The following CMSS1 variants were observed in gnomAD, a reference collection of about 807,000 sequenced individuals.
The protein encoded by CMSS1 is protein CMSS1.
CMSS1 carries 33 observed loss-of-function variants against 43.5 expected under a neutral mutation model. That is an observed-to-expected ratio of 0.76 (90% CI 0.57 to 1.01). The LOEUF (loss-of-function observed/expected upper bound fraction) is 1.01, where lower values mean the gene tolerates loss of function less well. CMSS1 is among the 50% of genes least tolerant of loss of function. CMSS1 has a pLI of 0.00. For missense variants in CMSS1, 313 were observed against 326.4 expected (o/e 0.96, Z 0.32); for synonymous variants, 115 against 117.2 (o/e 0.98, Z 0.12).
chr3:100,180,625 G>C lies in CMSS1; in HGVS notation c.*2237G>C, dbSNP rs936298820. 3 of 152,472 alleles carry C rather than the reference G, an allele frequency of 2.0e-5. No homozygotes were observed. The highest frequency in any genetic ancestry group is 2.9e-5 in the Non-Finnish European group (2 of 68,266). 9.4% of individuals were successfully genotyped at this position (152,472 alleles called of 1,614,324 possible). On this transcript the variant is annotated 3_prime_UTR_variant, in exon 10 of 10. Coordinates refer to ENST00000421999, the MANE Select transcript of CMSS1 (RefSeq NM_032359.4). ...CTCCATTTGAGACCACCTCAGCCTG[G>C]ACTTCATTGTCCATATCACTATCAG...
chr3:100,023,773 A>G (rs2064868779), intron 1 of CMSS1, among the ~76,000 whole-genome samples: 1 of 151,884 alleles, frequency 6.6e-6, no homozygotes, highest in Non-Finnish European at 1.5e-5. Context: ...ACCTAGAACT[A>G]CTCCTGCTCT....
At chr3:100,037,712 C>G (rs2065131347) in intron 1 of CMSS1, among the ~76,000 whole-genome samples, 1 of 152,168 alleles carries the variant, frequency 6.6e-6, no homozygotes, top group Admixed American at 6.5e-5. Context: ...ATAAGTTTCT[C>G]TATGCATCTT....
chr3:99,871,965 T>G (rs1187145554), intron 1 of CMSS1, among the ~76,000 whole-genome samples: 1 of 152,230 alleles, frequency 6.6e-6, no homozygotes, highest in African/African-American at 2.4e-5. Flanking sequence ...TTGCTTATAC[T>G]TAAGAACTTT....
chr3:100,170,642 AC>A (rs1172314155), intron 6 of CMSS1, among the ~76,000 whole-genome samples: 1 of 152,200 alleles, frequency 6.6e-6, no homozygotes, highest in Non-Finnish European at 1.5e-5. Context: ...TACAACAAAA[AC>A]CCTGGACAGA....
intron 1 of CMSS1, among the ~76,000 whole-genome samples, chr3:100,087,882 G>C (rs1181186656): frequency 6.9e-6 from 1 of 145,012 alleles, no homozygotes; most frequent in African/African-American, 2.6e-5. Flanking sequence ...CCAGGCTGGA[G>C]TGCAGTGGCA....
chr3:100,055,152 C>G (rs1238421765), intron 1 of CMSS1, among the ~76,000 whole-genome samples: 2 of 152,198 alleles, frequency 1.3e-5, no homozygotes, highest in Non-Finnish European at 2.9e-5. Context: ...CAGCTCCTAT[C>G]CCAATTCAGG....
chr3:100,053,309 T>C (rs2065405228), intron 1 of CMSS1, among the ~76,000 whole-genome samples: 1 of 152,196 alleles, frequency 6.6e-6, no homozygotes, highest in African/African-American at 2.4e-5. Context: ...GAAATCAAAG[T>C]GTCAGCAGGG....
rs2064884470 is a variant in CMSS1, at chr3:100,024,604, CA to C, written c.65-122367del. On this transcript the variant is annotated intron_variant, in intron 1 of 9. Transcript: ENST00000421999. Reference sequence around the variant, plus strand: ...AATTATGTAATTATAGTAACAAATCCAACAGGCATAGGCAGGTTTGAGAACA... The same window carrying C: ...AATTATGTAATTATAGTAACAAATCCACAGGCATAGGCAGGTTTGAGAACA... Among the ~76,000 whole-genome samples the C allele has an allele frequency of 6.6e-5, 10 of 152,194 alleles. No individual in the cohort carries two copies. The South Asian group carries it at 2.1e-3, about 32-fold the overall frequency.
intron 1 of CMSS1, among the ~76,000 whole-genome samples, chr3:99,841,869 C>T (rs1943148159): frequency 6.6e-6 from 1 of 152,126 alleles, no homozygotes; most frequent in Non-Finnish European, 1.5e-5. Flanking sequence ...AAGGGGAACA[C>T]TTTTACACTG....
chr3:100,124,396 G>A (rs2066646482), intron 1 of CMSS1, among the ~76,000 whole-genome samples: 1 of 152,210 alleles, frequency 6.6e-6, no homozygotes. Flanking sequence ...GCACACTTCA[G>A]CTACAGGCAT....
intron 1 of CMSS1, among the ~76,000 whole-genome samples, chr3:100,136,585 G>C (rs1039446049): frequency 1.3e-5 from 2 of 152,214 alleles, no homozygotes; most frequent in Non-Finnish European, 1.5e-5. Flanking sequence ...AGTTGTAACT[G>C]CTTGCTACAT....
chr3:99,972,149 G>A (rs1195683906), intron 1 of CMSS1, among the ~76,000 whole-genome samples: 1 of 152,218 alleles, frequency 6.6e-6, no homozygotes, highest in Non-Finnish European at 1.5e-5. Context: ...AGACTGATAT[G>A]CAAAGTGTGG....
intron 1 of CMSS1, among the ~76,000 whole-genome samples, chr3:99,882,235 G>A (rs1317742369): frequency 6.6e-6 from 1 of 152,096 alleles, no homozygotes; most frequent in Non-Finnish European, 1.5e-5. Flanking sequence ...ATTTTAAAAC[G>A]TCCCTTTCGG....
At chr3:99,921,276 G>T (rs768332425) in intron 1 of CMSS1, among the ~76,000 whole-genome samples, 15 of 152,176 alleles carry the variant, frequency 9.9e-5, no homozygotes, top group Admixed American at 2.0e-4. Context: ...CCTCCTCTGA[G>T]CGTTTATTTA....
At chr3:99,955,592 G>A (rs903644504) in intron 1 of CMSS1, among the ~76,000 whole-genome samples, 1 of 152,074 alleles carries the variant, frequency 6.6e-6, no homozygotes, top group Non-Finnish European at 1.5e-5. Flanking sequence ...TTTTTTACTT[G>A]TGAAAGACTG....
chr3:100,160,290 C>G (rs1374408862), intron 2 of CMSS1, 140 bp from the exon 3 acceptor site: 3 of 614,104 alleles, frequency 4.9e-6, no homozygotes, highest in Non-Finnish European at 9.0e-6. Context: ...GGTAGATCTT[C>G]CAGCATCTCT....
intron 1 of CMSS1, among the ~76,000 whole-genome samples, chr3:99,990,809 A>G (rs1032315921): frequency 4.6e-5 from 7 of 152,212 alleles, no homozygotes; most frequent in Admixed American, 4.6e-4. Context: ...CTGGAATTCC[A>G]TAAAGAAGGT....
intron 1 of CMSS1, among the ~76,000 whole-genome samples, chr3:99,955,497 A>G (rs926855233): frequency 1.3e-5 from 2 of 152,204 alleles, no homozygotes; most frequent in African/African-American, 4.8e-5. Context: ...TTAGTGGCCC[A>G]AGTTGAATCA....
intron 1 of CMSS1, among the ~76,000 whole-genome samples, chr3:99,826,408 G>A (rs932136475): frequency 6.6e-6 from 1 of 152,212 alleles, no homozygotes; most frequent in Admixed American, 6.5e-5. Context: ...CTGTTGCAGT[G>A]TAAAAGCAGT....
Sources: allele counts gnomAD v4.1 joint callset (sites outside exome capture counted in the v4.1 genomes callset), GRCh38; gene constraint gnomAD v4.1.1; transcripts MANE v1.5; gene names NCBI Gene and HGNC (gene_info 2026-07-23, HGNC 2026-07-21).